The following LOC400499 variants were observed in gnomAD, a reference collection of about 807,000 sequenced individuals.
chr16:11,420,638 C>T, the LOC400499 span, among the ~76,000 whole-genome samples: 1 of 123,902 alleles, frequency 8.1e-6, no homozygotes. Context: ...TCAGTGAAAT[C>T]TCCACCACCT....
At chr16:11,502,392 C>T in the LOC400499 span, among the ~76,000 whole-genome samples, 1 of 152,214 alleles carries the variant, frequency 6.6e-6, no homozygotes, top group African/African-American at 2.4e-5. Flanking sequence ...TACAAGCTGG[C>T]TCATTTTTCT....
At chr16:11,474,059 A>G in the LOC400499 span, among the ~76,000 whole-genome samples, 1 of 152,206 alleles carries the variant, frequency 6.6e-6, no homozygotes, top group Non-Finnish European at 1.5e-5. Flanking sequence ...AGGTCTCACT[A>G]TGTTACCCAA....
At chr16:11,519,480 T>G in the LOC400499 span, among the ~76,000 whole-genome samples, 1 of 152,192 alleles carries the variant, frequency 6.6e-6, no homozygotes, top group East Asian at 1.9e-4. Context: ...CTCACACCTG[T>G]AATCCCAGCA....
At chr16:11,510,289 T>C in the LOC400499 span, among the ~76,000 whole-genome samples, 2 of 151,710 alleles carry the variant, frequency 1.3e-5, no homozygotes, top group African/African-American at 4.9e-5. Context: ...GCCCTCGCAG[T>C]GTGTCTAGCT....
At chr16:11,485,120 G>T in the LOC400499 span, 1 of 398,868 alleles carries the variant, frequency 2.5e-6, no homozygotes. Flanking sequence ...TCAGTCACAG[G>T]GGTGATGATG....
chr16:11,407,358 AC>A, the LOC400499 span: 8 of 389,218 alleles, frequency 2.1e-5, no homozygotes, highest in African/African-American at 4.2e-5. Flanking sequence ...AAAAAAAAAA[AC>A]CACCACAAAA....
chr16:11,382,483 T>G, the LOC400499 span, among the ~76,000 whole-genome samples: 1 of 152,224 alleles, frequency 6.6e-6, no homozygotes. Context: ...TGGGATCTGA[T>G]GCTGTCTCCA....
At chr16:11,389,219 G>A in the LOC400499 span, among the ~76,000 whole-genome samples, 68 of 152,276 alleles carry the variant, frequency 4.5e-4, no homozygotes, top group Non-Finnish European at 8.7e-4. Context: ...GCCAGTCATG[G>A]CCACACCGTT....
At chr16:11,477,658 T>C in the LOC400499 span, among the ~76,000 whole-genome samples, 1 of 152,182 alleles carries the variant, frequency 6.6e-6, no homozygotes, top group African/African-American at 2.4e-5. Flanking sequence ...ACCTGTAAAG[T>C]GGATCTAACC....
At chr16:11,420,102 C>A in the LOC400499 span, among the ~76,000 whole-genome samples, 168 of 148,364 alleles carry the variant, frequency 1.1e-3, no homozygotes, top group African/African-American at 4.0e-3. Context: ...GGGTATATAC[C>A]CAAAGGACTA....
chr16:11,390,450 T>C, the LOC400499 span: 112,718 of 1,246,010 alleles, frequency 0.09, 5,341 homozygotes, highest in Middle Eastern at 0.14. Flanking sequence ...CATCCTTCAG[T>C]GTGGCCAGGG....
the LOC400499 span, among the ~76,000 whole-genome samples, chr16:11,512,406 C>A: frequency 1.3e-5 from 2 of 152,164 alleles, no homozygotes; most frequent in African/African-American, 4.8e-5. Flanking sequence ...AGTTTGAGAC[C>A]AGCCTGGCCA....
the LOC400499 span, among the ~76,000 whole-genome samples, chr16:11,466,616 T>C: frequency 6.6e-5 from 10 of 152,284 alleles, no homozygotes; most frequent in Admixed American, 1.3e-4. Flanking sequence ...CTTGAACTCC[T>C]GACCTCAGGT....
the LOC400499 span, among the ~76,000 whole-genome samples, chr16:11,456,019 TG>T: frequency 1.3e-5 from 2 of 148,514 alleles, no homozygotes; most frequent in African/African-American, 5.0e-5. Flanking sequence ...ACTGAAAAAA[TG>T]GAAAAAAAAA....
chr16:11,504,331 G>A, the LOC400499 span, among the ~76,000 whole-genome samples: 3 of 152,002 alleles, frequency 2.0e-5, no homozygotes, highest in Non-Finnish European at 2.9e-5. Flanking sequence ...CGAGCCGGGT[G>A]GATCACTGGA....
the LOC400499 span, among the ~76,000 whole-genome samples, chr16:11,446,349 G>A: frequency 6.6e-6 from 1 of 152,002 alleles, no homozygotes; most frequent in Non-Finnish European, 1.5e-5. Flanking sequence ...GTAGAAACAG[G>A]GTTTCCATAT....
At chr16:11,457,619 C>T in the LOC400499 span, among the ~76,000 whole-genome samples, 2 of 150,304 alleles carry the variant, frequency 1.3e-5, no homozygotes, top group Non-Finnish European at 3.0e-5. Flanking sequence ...AATTAAAGAT[C>T]GAATTACCAT....
chr16:11,494,489 C>T, the LOC400499 span: 2 of 351,296 alleles, frequency 5.7e-6, no homozygotes, highest in Non-Finnish European at 1.0e-5. Context: ...AACCCACCCC[C>T]ACCCTCTCCA....
chr16:11,423,485 G>A, the LOC400499 span, among the ~76,000 whole-genome samples: 2 of 152,366 alleles, frequency 1.3e-5, no homozygotes, highest in African/African-American at 2.4e-5. Flanking sequence ...CAGGCACGGT[G>A]CTAACTGAAC....
Sources: gnomAD v4.1 joint callset for allele counts (sites outside exome capture counted in the v4.1 genomes callset) on GRCh38, gnomAD v4.1.1 for gene constraint, MANE v1.5 for transcripts.